WDR82: variants seen among roughly 807,000 people sequenced by gnomAD.
WDR82 encodes the protein WD repeat domain 82.
WDR82 carries 8 observed loss-of-function variants against 36.1 expected under a neutral mutation model. The ratio of observed to expected loss-of-function variants is 0.22; its 90% CI spans 0.13 to 0.40. The LOEUF (loss-of-function observed/expected upper bound fraction) is 0.40. Among genes scored for constraint, WDR82 ranks in the 10% least tolerant of loss-of-function variants. The pLI is 1.00. For missense variants in WDR82, 185 were observed against 400.5 expected (o/e 0.46, Z 4.59); for synonymous variants, 129 against 137.8 (o/e 0.94, Z 0.45).
Position 52,260,470 on chromosome 3 carries a change from C to T in WDR82, c.458G>A (p.Cys153Tyr). ...GLMHLQGKPV[C>Y]SFDPEGLIFA... ...AATTAACCCTTCTGGATCAAAAGAACAAACTGGCTTCCCCTGCAGATGCAT... is the reference window on the plus strand; with the variant it reads ...AATTAACCCTTCTGGATCAAAAGAATAAACTGGCTTCCCCTGCAGATGCAT... Residue 153 changes from cysteine (C) to tyrosine (Y), a missense_variant, in exon 5 of 9, where the codon TGT (cysteine) becomes TAT (tyrosine). Cys to Tyr is a radical substitution (Grantham distance 194, BLOSUM62 -2). Coordinates refer to ENST00000296490, the MANE Select transcript of WDR82 (RefSeq NM_025222.4). The T allele has an allele frequency of 6.3e-7, 1 of 1,591,666 alleles. No individual in the cohort carries two copies. Among genetic ancestry groups the T allele is most frequent in the Non-Finnish European group, 8.5e-7 (1 of 1,172,568 alleles).
Position 52,257,202 on chromosome 3 carries a change from A to G in WDR82, c.*288T>C, listed in dbSNP as rs1390894497. Reference sequence around the variant, plus strand: ...CAAATTGAAGATGCTTGAGAGCCCCACTATACCAAATCGTGAGTCTGGTCA... The same window carrying G: ...CAAATTGAAGATGCTTGAGAGCCCCGCTATACCAAATCGTGAGTCTGGTCA... On this transcript the variant is annotated 3_prime_UTR_variant, in exon 9 of 9. Coordinates refer to ENST00000296490, the MANE Select transcript of WDR82 (RefSeq NM_025222.4). 4.0e-6 allele frequency: 2 copies of G among 495,342 alleles called. No homozygotes were observed. The highest frequency in any genetic ancestry group is 7.2e-5 in the East Asian group (2 of 27,886). 30.7% of individuals were successfully genotyped at this position (495,342 alleles called of 1,614,324 possible).
chr3:52,265,252 A>G (rs944000306), intron 3 of WDR82, among the ~76,000 whole-genome samples: 1 of 131,602 alleles, frequency 7.6e-6, no homozygotes, highest in Admixed American at 9.2e-5. Context: ...GTGAGCCAAC[A>G]TTGCACCACT....
chr3:52,267,407 T>C lies in WDR82; in HGVS notation c.260-389A>G, dbSNP rs998657779. ...GAATGGCAAACCTTAAAGAAAAATATGTGGCTGTTGAGCTAACAGACTTAA... is the reference window on the plus strand; with the variant it reads ...GAATGGCAAACCTTAAAGAAAAATACGTGGCTGTTGAGCTAACAGACTTAA... On this transcript the variant is annotated intron_variant, in intron 2 of 8. Coordinates refer to ENST00000296490, the MANE Select transcript of WDR82 (RefSeq NM_025222.4). 11 of 202,812 alleles carry C rather than the reference T, an allele frequency of 5.4e-5. No individual in the cohort carries two copies. The Admixed American group carries it at 6.8e-4, about 13-fold the overall frequency. The allele number at this position is 202,812 out of a possible 1,614,324, so 12.6% of individuals were successfully genotyped here.
intron 3 of WDR82, among the ~76,000 whole-genome samples, chr3:52,266,640 G>A (rs1700109360): frequency 1.3e-5 from 2 of 152,060 alleles, no homozygotes; most frequent in Non-Finnish European, 2.9e-5. Context: ...GTTTTGACAC[G>A]TTGGCCTGGC....
In WDR82 at chr3:52,257,078, A is replaced by G. The variant is rs1578003659; in HGVS notation, c.*412T>C. On this transcript the variant is annotated 3_prime_UTR_variant, in exon 9 of 9. Transcript: ENST00000296490. Reference sequence around the variant, plus strand: ...TGAGGGCAAGCGGCTGAGCTGCCCAAGCATTTCAAAACCAGGACTTTGGCT... The same window carrying G: ...TGAGGGCAAGCGGCTGAGCTGCCCAGGCATTTCAAAACCAGGACTTTGGCT... The G allele has an allele frequency of 5.2e-6, 1 of 193,816 alleles. No homozygotes were observed. The highest frequency in any genetic ancestry group is 5.8e-5 in the Admixed American group (1 of 17,206). The allele number at this position is 193,816 out of a possible 1,614,324, so 12.0% of individuals were successfully genotyped here.
rs1305176306 is a variant in WDR82 at position 52,278,591 on chromosome 3, A to C, written c.-230T>G. On this transcript the variant is annotated 5_prime_UTR_variant, in exon 1 of 9. Transcript: ENST00000296490. The stretch of plus-strand genomic sequence containing the variant: ...TCGTCCTCACAGCCACCTCACGGAC[A>C]ACCGGCGCGTCGCCGGCTCATTGTG... 1 of 407,020 alleles carries C rather than the reference A, an allele frequency of 2.5e-6. No homozygotes were observed. Among genetic ancestry groups the C allele is most frequent in the Non-Finnish European group, 4.3e-6 (1 of 234,178 alleles). 25.2% of individuals were successfully genotyped at this position (407,020 alleles called of 1,614,324 possible). A position where few individuals can be genotyped will look rare whatever the true frequency, so the allele number is the denominator to read the frequency against.
intron 3 of WDR82, among the ~76,000 whole-genome samples, chr3:52,265,218 T>C (rs1267388599): frequency 1.4e-5 from 2 of 138,768 alleles, no homozygotes; most frequent in African/African-American, 5.4e-5. Flanking sequence ...GAGAATGGCG[T>C]GAACCCAAGA....
chr3:52,267,749 A>G (rs1700118731), intron 2 of WDR82: 1 of 152,562 alleles, frequency 6.6e-6, no homozygotes, highest in Non-Finnish European at 1.5e-5. Flanking sequence ...TAACCAAATG[A>G]TTCTATCTGA....
At chr3:52,261,285 G>T in intron 4 of WDR82, 95 bp downstream of exon 4, 1 of 1,115,208 alleles carries the variant, frequency 9.0e-7, no homozygotes, top group Non-Finnish European at 1.3e-6. Context: ...ATCCCAGAAT[G>T]GAACCACTGT....
intron 1 of WDR82, among the ~76,000 whole-genome samples, chr3:52,275,881 C>A: frequency 6.6e-6 from 1 of 152,008 alleles, no homozygotes; most frequent in Admixed American, 6.6e-5. Context: ...GAGACTCCAT[C>A]TCAAAAAAGA....
At chr3:52,268,091 A>T (rs1480494291) in intron 2 of WDR82, 2 of 303,218 alleles carry the variant, frequency 6.6e-6, no homozygotes, top group African/African-American at 4.3e-5. Flanking sequence ...AACACTACAC[A>T]ATTTTCCTTG....
At chr3:52,260,002 C>T (rs753288449) in intron 5 of WDR82, 130 bp from the exon 6 acceptor site, 5 of 1,174,452 alleles carry the variant, frequency 4.3e-6, no homozygotes, top group Non-Finnish European at 5.8e-6. Context: ...CTCTGCCACT[C>T]TCTAATATCT....
Position 52,255,517 on chromosome 3 carries a change from AT to A in WDR82, c.*1972del, listed in dbSNP as rs1281555823. ...TCTTCCTCTCTGGGAAAGCAGAACT[AT>A]ACAGTGGGTGGCATCCTGCAGATTC... On this transcript the variant is annotated 3_prime_UTR_variant, in exon 9 of 9. Coordinates refer to ENST00000296490, the MANE Select transcript of WDR82 (RefSeq NM_025222.4). 2 of 152,156 alleles carry A rather than the reference AT, an allele frequency of 1.3e-5. No individual in the cohort carries two copies. The highest frequency in any genetic ancestry group is 2.9e-5 in the Non-Finnish European group (2 of 68,044). 9.4% of individuals were successfully genotyped at this position (152,156 alleles called of 1,614,324 possible).
intron 2 of WDR82, 79 bp downstream of exon 2, chr3:52,270,633 G>C: frequency 9.3e-7 from 1 of 1,076,498 alleles, no homozygotes. Flanking sequence ...TAGTCACAAA[G>C]CAGAAGTAGT....
At chr3:52,258,787 C>T in intron 7 of WDR82, 109 bp from the exon 8 acceptor site, 1 of 1,484,208 alleles carries the variant, frequency 6.7e-7, no homozygotes, top group Non-Finnish European at 9.1e-7. Flanking sequence ...TAGGACCCAT[C>T]CCTCAGGCAA....
chr3:52,258,594 A>G lies in WDR82; in HGVS notation c.854T>C (p.Ile285Thr), dbSNP rs1246983004. Residue 285 changes from isoleucine to threonine, a missense_variant, in exon 8 of 9, where the codon ATT becomes ACT. Ile to Thr is a moderately conservative substitution (Grantham distance 89). Transcript: ENST00000296490. ...CTTGGGGTTGAATTGCAAACAGGTA[A>G]TCGGGCCTGTGTGTTTACCATCCAA... ...AVLDGKHTGP[I>T]TCLQFNPKFM... is the part of the protein sequence containing the mutation. 3.1e-6 allele frequency: 5 copies of G among 1,614,158 alleles called. No individual in the cohort carries two copies. In the East Asian group the frequency reaches 8.9e-5, roughly 29 times the overall value.
At chr3:52,265,748 G>T (rs1385013327) in intron 3 of WDR82, among the ~76,000 whole-genome samples, 1 of 151,892 alleles carries the variant, frequency 6.6e-6, no homozygotes, top group Non-Finnish European at 1.5e-5. Flanking sequence ...GCTAATTTTT[G>T]TATTTTTTGT....
chr3:52,278,597 C>G lies in WDR82; in HGVS notation c.-236G>C. 2.5e-6 allele frequency: 1 copy of G among 404,616 alleles called. No individual in the cohort carries two copies. Among genetic ancestry groups the G allele is most frequent in the East Asian group, 3.6e-5 (1 of 28,022 alleles). 25.1% of individuals were successfully genotyped at this position (404,616 alleles called of 1,614,324 possible). A position where few individuals can be genotyped will look rare whatever the true frequency, so the allele number is the denominator to read the frequency against. The stretch of plus-strand genomic sequence containing the variant: ...TCACAGCCACCTCACGGACAACCGG[C>G]GCGTCGCCGGCTCATTGTGTCCGCC... On this transcript the variant is annotated 5_prime_UTR_variant, in exon 1 of 9. Coordinates refer to ENST00000296490, the MANE Select transcript of WDR82 (RefSeq NM_025222.4).
At chr3:52,274,064 TA>T (rs1477619095) in intron 1 of WDR82, among the ~76,000 whole-genome samples, 3 of 152,180 alleles carry the variant, frequency 2.0e-5, no homozygotes, top group Non-Finnish European at 2.9e-5. Flanking sequence ...ACAAGGAAAA[TA>T]ATATTAACCT....
Sources: gnomAD v4.1 joint callset for allele counts (sites outside exome capture counted in the v4.1 genomes callset) on GRCh38, gnomAD v4.1.1 for gene constraint, MANE v1.5 for transcripts, NCBI Gene and HGNC (gene_info 2026-07-23, HGNC 2026-07-21) for gene names.